The following STAG1 variants were observed in gnomAD, a reference collection of about 807,000 sequenced individuals.
The protein encoded by STAG1 is STAG1 cohesin complex component.
STAG1 carries 26 observed loss-of-function variants against 170.9 expected under a neutral mutation model. The observed-to-expected ratio is 0.15, with a 90% CI of 0.11 to 0.21. The LOEUF is 0.21. Among genes scored for constraint, STAG1 ranks in the 10% least tolerant of loss-of-function variants. STAG1 has a pLI of 1.00. For missense variants in STAG1, 964 were observed against 1,509.5 expected (o/e 0.64, Z 5.99); for synonymous variants, 514 against 497.7 (o/e 1.03, Z -0.44).
At chr3:136,626,646 T>C (rs1235983006) in intron 2 of STAG1, among the ~76,000 whole-genome samples, 2 of 152,178 alleles carry the variant, frequency 1.3e-5, no homozygotes, top group African/African-American at 4.8e-5. Flanking sequence ...GTCAATCTTA[T>C]TTGTCTCTAC....
At chr3:136,346,124 G>A (rs147538292) in intron 29 of STAG1, among the ~76,000 whole-genome samples, 3 of 152,292 alleles carry the variant, frequency 2.0e-5, no homozygotes, top group African/African-American at 7.2e-5. Context: ...TTTGGTCACT[G>A]TCTATATGTT....
intron 1 of STAG1, among the ~76,000 whole-genome samples, chr3:136,714,938 AATATAT>A (rs71714671): frequency 0.027 from 2,536 of 95,662 alleles, 81 homozygotes; most frequent in African/African-American, 0.067. Context: ...ATATATATTA[AATATAT>A]ATATATATAT....
chr3:136,441,803 C>T (rs1040362462), intron 15 of STAG1, among the ~76,000 whole-genome samples: 1 of 152,016 alleles, frequency 6.6e-6, no homozygotes, highest in African/African-American at 2.4e-5. Flanking sequence ...ATATAAGGTA[C>T]ACAAGGAAAT....
chr3:136,662,366 G>A (rs1478268442), intron 1 of STAG1, among the ~76,000 whole-genome samples: 1 of 151,992 alleles, frequency 6.6e-6, no homozygotes, highest in Non-Finnish European at 1.5e-5. Context: ...TGGCCAGGTT[G>A]GTCTCAAACT....
chr3:136,357,624 G>C (rs1576385574), intron 28 of STAG1, 96 bp downstream of exon 28: 3 of 923,300 alleles, frequency 3.2e-6, no homozygotes, highest in East Asian at 2.8e-5. Context: ...AAATTATCAA[G>C]AGTAAAGATA....
At chr3:136,493,766 T>G (rs964352359) in intron 9 of STAG1, among the ~76,000 whole-genome samples, 4 of 146,142 alleles carry the variant, frequency 2.7e-5, no homozygotes, top group Non-Finnish European at 4.5e-5. Context: ...TTTGAAAAGA[T>G]CAACAAAACA....
chr3:136,365,609 GA>G lies in STAG1; in HGVS notation c.2685+1333del, dbSNP rs576301667. Among the ~76,000 whole-genome samples, 18 of 152,262 alleles carry G rather than the reference GA, an allele frequency of 1.2e-4. No homozygotes were observed. In the South Asian group the frequency reaches 3.7e-3, roughly 32 times the overall value. On this transcript the variant is annotated intron_variant, in intron 25 of 33. Transcript: ENST00000383202. ...GGAATAAAGTTCCAGGTGACTGATG[GA>G]AAATCAGGATGAGGAATAACTTTTC...
At chr3:136,400,283 A>T (rs746995015) in intron 21 of STAG1, among the ~76,000 whole-genome samples, 5 of 152,042 alleles carry the variant, frequency 3.3e-5, no homozygotes, top group Non-Finnish European at 7.4e-5. Flanking sequence ...GCTGCAGTGC[A>T]GTGGCGTGAT....
intron 9 of STAG1, among the ~76,000 whole-genome samples, chr3:136,478,203 G>C (rs1025923528): frequency 1.2e-4 from 18 of 152,302 alleles, no homozygotes; most frequent in Admixed American, 8.5e-4. Context: ...GGCTGAGACG[G>C]AAGAATCCAC....
chr3:136,440,286 C>T (rs9864407), intron 15 of STAG1, among the ~76,000 whole-genome samples: 1,979 of 152,100 alleles, frequency 0.013, 27 homozygotes, highest in Middle Eastern at 0.031. Context: ...TACAGGCGCC[C>T]GCCACCAGGC....
intron 5 of STAG1, among the ~76,000 whole-genome samples, chr3:136,545,019 T>A (rs1490040533): frequency 6.6e-6 from 1 of 152,098 alleles, no homozygotes; most frequent in Non-Finnish European, 1.5e-5. Flanking sequence ...TATGACAGGA[T>A]CATTTTTATT....
At chr3:136,357,114 AT>A (rs1247508644) in intron 28 of STAG1, among the ~76,000 whole-genome samples, 1 of 151,636 alleles carries the variant, frequency 6.6e-6, no homozygotes, top group Non-Finnish European at 1.5e-5. Flanking sequence ...CGCCCGGCTA[AT>A]TTTTTTGTAT....
chr3:136,720,517 C>T (rs1030884942), intron 1 of STAG1, among the ~76,000 whole-genome samples: 2 of 152,116 alleles, frequency 1.3e-5, no homozygotes, highest in African/African-American at 4.8e-5. Context: ...GGGCTGAGCA[C>T]GGTGGCTCAC....
intron 15 of STAG1, among the ~76,000 whole-genome samples, chr3:136,438,154 G>GATA (rs1334919577): frequency 6.6e-6 from 1 of 151,678 alleles, no homozygotes; most frequent in Non-Finnish European, 1.5e-5. Flanking sequence ...TCATGTTTCA[G>GATA]ATACTTTGAA....
intron 1 of STAG1, among the ~76,000 whole-genome samples, chr3:136,735,408 G>A (rs914300045): frequency 2.6e-5 from 4 of 151,426 alleles, no homozygotes; most frequent in Non-Finnish European, 5.9e-5. Flanking sequence ...TTACAGGCAT[G>A]AGCCACTGTG....
chr3:136,691,703 C>G (rs1466115488), intron 1 of STAG1, among the ~76,000 whole-genome samples: 1 of 152,214 alleles, frequency 6.6e-6, no homozygotes. Context: ...AGATATTTAA[C>G]TTGTGTCTTA....
At chr3:136,423,101 G>A in intron 16 of STAG1, 57 bp from the exon 17 acceptor site, 2 of 1,165,550 alleles carry the variant, frequency 1.7e-6, no homozygotes, top group Non-Finnish European at 2.4e-6. Flanking sequence ...AATCCAAACT[G>A]TTACATATAT....
chr3:136,391,092 A>G (rs2086996867), intron 22 of STAG1, among the ~76,000 whole-genome samples: 2 of 152,194 alleles, frequency 1.3e-5, no homozygotes, highest in African/African-American at 4.8e-5. Context: ...TTTACAGCTA[A>G]ATACCTCAAT....
chr3:136,412,822 G>C (rs1559785656), intron 21 of STAG1, among the ~76,000 whole-genome samples: 1 of 148,112 alleles, frequency 6.8e-6, no homozygotes, highest in East Asian at 1.9e-4. Context: ...GTCCTAGGCT[G>C]AAAAAAAATT....
Sources: allele counts gnomAD v4.1 joint callset (sites outside exome capture counted in the v4.1 genomes callset), GRCh38; gene constraint gnomAD v4.1.1; transcripts MANE v1.5; gene names NCBI Gene and HGNC (gene_info 2026-07-23, HGNC 2026-07-21).